The following ZNF503 variants were observed in gnomAD, a reference collection of about 807,000 sequenced individuals.
ZNF503 encodes the protein NocA-like zinc finger 2.
A neutral mutation model predicts 34.4 loss-of-function variants in ZNF503; 15 were observed. The ratio of observed to expected loss-of-function variants is 0.44; its 90% CI spans 0.29 to 0.67. ZNF503 has a LOEUF of 0.67. ZNF503 is among the 30% of genes least tolerant of loss of function. The probability of loss-of-function intolerance (pLI) is 0.13; values close to 1 mark genes in which losing one functional copy is unlikely to be tolerated. For synonymous variants in ZNF503, 580 were observed against 456.8 expected (o/e 1.27, Z -3.44); for missense variants, 1,007 against 926.8 (o/e 1.09, Z -1.12).
chr10:75,353,508 A>AG, the ZNF503 span, among the ~76,000 whole-genome samples: 4 of 152,332 alleles, frequency 2.6e-5, no homozygotes, highest in East Asian at 3.9e-4. Context: ...GGCAGAGCTC[A>AG]GGGCGGGTGC....
At chr10:75,361,225 G>A in the ZNF503 span, 5 of 152,182 alleles carry the variant, frequency 3.3e-5, no homozygotes, top group Non-Finnish European at 7.3e-5. Flanking sequence ...AATCATAAAG[G>A]TACTTTCCTC....
At chr10:75,379,288 T>A in the ZNF503 span, among the ~76,000 whole-genome samples, 1 of 152,212 alleles carries the variant, frequency 6.6e-6, no homozygotes, top group Admixed American at 6.5e-5. Flanking sequence ...TTAGGATTAA[T>A]CTGTCAAAGG....
the ZNF503 span, chr10:75,382,773 G>T: frequency 3.1e-6 from 1 of 324,844 alleles, no homozygotes; most frequent in Non-Finnish European, 6.1e-6. Context: ...GAATCTCGTG[G>T]GTCAGCTCTT....
the ZNF503 span, among the ~76,000 whole-genome samples, chr10:75,291,610 C>A: frequency 6.6e-6 from 1 of 151,906 alleles, no homozygotes; most frequent in Non-Finnish European, 1.5e-5. Flanking sequence ...GACTCTGTCT[C>A]AAAAAAAATC....
the ZNF503 span, among the ~76,000 whole-genome samples, chr10:75,375,996 C>T: frequency 1.1e-4 from 17 of 152,260 alleles, no homozygotes; most frequent in African/African-American, 3.6e-4. Context: ...AGGTACTGCA[C>T]GTCACAAGGC....
the ZNF503 span, among the ~76,000 whole-genome samples, chr10:75,384,674 C>T: frequency 6.6e-6 from 1 of 152,162 alleles, no homozygotes; most frequent in Admixed American, 6.5e-5. Context: ...GATGCTCTGG[C>T]CATGGAGCCC....
chr10:75,386,740 A>G, the ZNF503 span, among the ~76,000 whole-genome samples: 26 of 152,092 alleles, frequency 1.7e-4, no homozygotes, highest in Admixed American at 1.7e-3. Flanking sequence ...TCCTGCTTCC[A>G]TCCCTTTGAT....
the ZNF503 span, among the ~76,000 whole-genome samples, chr10:75,371,037 T>C: frequency 6.6e-6 from 1 of 151,784 alleles, no homozygotes; most frequent in Admixed American, 6.6e-5. Context: ...GGAAAAAGGG[T>C]CCAGGGAAAG....
chr10:75,307,437 G>T, the ZNF503 span, among the ~76,000 whole-genome samples: 1 of 152,206 alleles, frequency 6.6e-6, no homozygotes, highest in African/African-American at 2.4e-5. Context: ...GAAGCCAGGA[G>T]AGGCTGGCTC....
chr10:75,307,043 C>A, the ZNF503 span, among the ~76,000 whole-genome samples: 2 of 152,004 alleles, frequency 1.3e-5, no homozygotes, highest in African/African-American at 4.8e-5. Flanking sequence ...TGAAATTTCA[C>A]TGGCTTCAAA....
intron 1 of ZNF503, 77 bp from the exon 2 acceptor site, chr10:75,400,451 G>A (rs1485516719): frequency 1.4e-6 from 2 of 1,478,560 alleles, no homozygotes; most frequent in East Asian, 4.7e-5. Flanking sequence ...GGCTTCTGGG[G>A]TTCAAATGCC....
At chr10:75,351,034 G>A in the ZNF503 span, among the ~76,000 whole-genome samples, 1 of 152,154 alleles carries the variant, frequency 6.6e-6, no homozygotes, top group Admixed American at 6.5e-5. Flanking sequence ...TCTTGTGGAT[G>A]GGTATTCAGG....
At chr10:75,392,192 C>A in the ZNF503 span, among the ~76,000 whole-genome samples, 1 of 152,174 alleles carries the variant, frequency 6.6e-6, no homozygotes, top group Non-Finnish European at 1.5e-5. Flanking sequence ...AGTAAGTGTG[C>A]AGTTCATGCT....
downstream of ZNF503, among the ~76,000 whole-genome samples, chr10:75,396,852 G>A (rs1282768809): frequency 2.0e-5 from 3 of 152,124 alleles, no homozygotes; most frequent in Non-Finnish European, 4.4e-5. The surrounding 1 kb of genome is among the most constrained non-coding windows in gnomAD (Gnocchi z 4.4). Context: ...CCCCCCAAAA[G>A]GGACTGAGAC....
At chr10:75,394,953 C>G (rs541488953), downstream of ZNF503, among the ~76,000 whole-genome samples, 269 of 152,278 alleles carry the variant, frequency 1.8e-3, no homozygotes, top group African/African-American at 6.2e-3. Flanking sequence ...ACCAGAGGCA[C>G]AGGTAGGGGG....
At chr10:75,324,572 C>G in the ZNF503 span, among the ~76,000 whole-genome samples, 1 of 152,152 alleles carries the variant, frequency 6.6e-6, no homozygotes, top group Non-Finnish European at 1.5e-5. Context: ...AGTGATTCTC[C>G]TACCTCCACC....
At chr10:75,350,236 G>A in the ZNF503 span, 4 of 152,212 alleles carry the variant, frequency 2.6e-5, no homozygotes, top group African/African-American at 9.6e-5. Flanking sequence ...CATGACATAA[G>A]TGATAAATTA....
At chr10:75,400,415 A>T in intron 1 of ZNF503, 41 bp from the exon 2 acceptor site, 9 of 1,561,014 alleles carry the variant, frequency 5.8e-6, no homozygotes, top group Non-Finnish European at 7.8e-6. Context: ...CACACAGAGA[A>T]AGAAGTGGAA....
chr10:75,369,100 A>G, the ZNF503 span, among the ~76,000 whole-genome samples: 4 of 152,136 alleles, frequency 2.6e-5, no homozygotes, highest in South Asian at 2.1e-4. Context: ...AAGTGGGGGG[A>G]AAAAGCAAGT....
Sources: allele counts gnomAD v4.1 joint callset (sites outside exome capture counted in the v4.1 genomes callset), GRCh38; gene constraint gnomAD v4.1.1; non-coding constraint Gnocchi (gnomAD v3.1); transcripts MANE v1.5; gene names NCBI Gene and HGNC (gene_info 2026-07-23, HGNC 2026-07-21).